MRI1: variants seen among roughly 807,000 people sequenced by gnomAD.
The protein encoded by MRI1 is methylthioribose-1-phosphate isomerase.
A neutral mutation model predicts 27.3 loss-of-function variants in MRI1; 32 were observed. The ratio of observed to expected loss-of-function variants is 1.17; its 90% CI spans 0.88 to 1.57. The LOEUF is 1.57. MRI1 is among the 40% of genes most tolerant of loss of function. MRI1 has a pLI of 0.00. For missense variants in MRI1, 508 were observed against 516.1 expected (o/e 0.98, Z 0.15); for synonymous variants, 216 against 227.4 (o/e 0.95, Z 0.45).
chr19:13,766,382 G>A (rs985293758), intron 3 of MRI1, among the ~76,000 whole-genome samples: 7 of 152,092 alleles, frequency 4.6e-5, no homozygotes, highest in African/African-American at 9.7e-5. Flanking sequence ...GCTGGCAGGC[G>A]GCTGTTAGGG....
intron 3 of MRI1, among the ~76,000 whole-genome samples, chr19:13,767,031 ATATATATTTTTTTTTTTTTTTTTTT>A (rs1411584364): frequency 4.4e-3 from 127 of 29,098 alleles, no homozygotes; most frequent in African/African-American, 0.018. Context: ...ATATATATAT[ATATATATTTTTTTTTTTTTTTTTTT>A]TTTTTTTTTT....
At chr19:13,771,989 G>C in intron 5 of MRI1, 132 bp from the exon 6 acceptor site, 1 of 760,182 alleles carries the variant, frequency 1.3e-6, no homozygotes, top group Non-Finnish European at 2.1e-6. Flanking sequence ...ATGTACTTTT[G>C]GGGTGAGAAT....
At chr19:13,766,669 C>T (rs1288561695) in intron 3 of MRI1, among the ~76,000 whole-genome samples, 1 of 152,052 alleles carries the variant, frequency 6.6e-6, no homozygotes, top group African/African-American at 2.4e-5. Context: ...AGGAAATTTC[C>T]CTACCTGCCT....
At position 13,769,060 on chromosome 19, in the gene MRI1, C is replaced by A. The variant is rs574770728; in HGVS notation, c.949+12C>A. 89 of 1,592,622 alleles carry A rather than the reference C, an allele frequency of 5.6e-5. No homozygotes were observed. The East Asian group carries it at 2.0e-3, about 36-fold the overall frequency. ...GATTGCAGCACCTGGTAAGCTGCCCCCTCAGAAAGGGGACACCCCAGCTCC... is the reference window on the plus strand; with the variant it reads ...GATTGCAGCACCTGGTAAGCTGCCCACTCAGAAAGGGGACACCCCAGCTCC... On this transcript the variant is annotated intron_variant, in intron 5 of 5. Transcript: ENST00000040663.
At position 13,773,841 on chromosome 19, in the gene MRI1, G is replaced by A. The variant is rs1128028; in HGVS notation, c.*1560G>A. ...CCTGGCTAATTTTTGTATTTTTATT[G>A]GAGACACCATGTTAGTCGTGGCTGG... On this transcript the variant is annotated 3_prime_UTR_variant, in exon 6 of 6. Transcript: ENST00000040663. 0.35 allele frequency: 53,793 copies of A among 152,128 alleles called. 10,939 individuals are homozygous for A. Among genetic ancestry groups the A allele is most frequent in the African/African-American group, 0.55 (22,785 of 41,440 alleles). 9.4% of individuals were successfully genotyped at this position (152,128 alleles called of 1,614,324 possible). A position where few individuals can be genotyped will look rare whatever the true frequency, so the allele number is the denominator to read the frequency against.
At position 13,772,798 on chromosome 19, in the gene MRI1, A is replaced by G. The variant is rs1974297391; in HGVS notation, c.*517A>G. 1 of 152,180 alleles carries G rather than the reference A, an allele frequency of 6.6e-6. No individual in the cohort carries two copies. The highest frequency in any genetic ancestry group is 2.4e-5 in the African/African-American group (1 of 41,446). The allele number at this position is 152,180 out of a possible 1,614,324, so 9.4% of individuals were successfully genotyped here. ...AGCCGAGATAGCGCCACTGCACTCC[A>G]GCCTGGGCAACAGAGCGAGACTCCG... On this transcript the variant is annotated 3_prime_UTR_variant, in exon 6 of 6. Transcript: ENST00000040663.
At chr19:13,769,630 A>C (rs1041250717) in intron 5 of MRI1, among the ~76,000 whole-genome samples, 1 of 152,146 alleles carries the variant, frequency 6.6e-6, no homozygotes, top group Non-Finnish European at 1.5e-5. Context: ...TTGTAAAGAA[A>C]AACCAAGACG....
At chr19:13,769,287 C>G (rs1046992867) in intron 5 of MRI1, among the ~76,000 whole-genome samples, 3 of 152,200 alleles carry the variant, frequency 2.0e-5, no homozygotes, top group Non-Finnish European at 2.9e-5. Context: ...CCTCAGCCCC[C>G]CAAGTAGCTG....
In MRI1 at chr19:13,769,053, G is replaced by A. The variant is rs1415109513; in HGVS notation, c.949+5G>A. 6.9e-6 allele frequency: 11 copies of A among 1,599,154 alleles called. No homozygotes were observed. Among genetic ancestry groups the A allele is most frequent in the Non-Finnish European group, 8.5e-6 (10 of 1,169,988 alleles). ...GGGTCCGGATTGCAGCACCTGGTAA[G>A]CTGCCCCCTCAGAAAGGGGACACCC... On this transcript the variant is annotated splice_donor_5th_base_variant and intron_variant, in intron 5 of 5. Coordinates refer to ENST00000040663, the MANE Select transcript of MRI1 (RefSeq NM_001031727.4).
intron 3 of MRI1, among the ~76,000 whole-genome samples, chr19:13,767,026 TATATATATA>T: frequency 6.4e-5 from 1 of 15,584 alleles, no homozygotes; most frequent in Non-Finnish European, 1.3e-4. Flanking sequence ...TATATATATA[TATATATATA>T]TATTTTTTTT....
intron 2 of MRI1, 55 bp from the exon 3 acceptor site, chr19:13,765,899 T>A: frequency 6.5e-7 from 1 of 1,536,534 alleles, no homozygotes; most frequent in Non-Finnish European, 8.8e-7. Context: ...AGAGGAGGCG[T>A]TGGCCTGGGC....
Position 13,774,137 on chromosome 19 carries a change from CAA to C in MRI1, c.*1858_*1859del, listed in dbSNP as rs2145210390. ...TCTTGAAAATATTGTTTACTATTAC[CAA>C]AGTTTTTGAACCTTCTTAAATTCTG... On this transcript the variant is annotated 3_prime_UTR_variant, in exon 6 of 6. Coordinates refer to ENST00000040663, the MANE Select transcript of MRI1 (RefSeq NM_001031727.4). 1 of 225,046 alleles carries C rather than the reference CAA, an allele frequency of 4.4e-6. No homozygotes were observed. Among genetic ancestry groups the C allele is most frequent in the South Asian group, 1.6e-4 (1 of 6,204 alleles). The allele number at this position is 225,046 out of a possible 1,614,324, so 13.9% of individuals were successfully genotyped here.
At position 13,766,015 on chromosome 19, in the gene MRI1, G is replaced by A. The variant is rs1309024210; in HGVS notation, c.433G>A (p.Asp145Asn). 6.2e-7 allele frequency: 1 copy of A among 1,613,278 alleles called. No individual in the cohort carries two copies. The highest frequency in any genetic ancestry group is 1.7e-5 in the Admixed American group (1 of 59,940). Residue 145 changes from aspartate to asparagine, a missense_variant, in exon 3 of 6, where the codon GAC (aspartate) becomes AAC (asparagine). This residue lies in a region of MRI1 where 457 missense variants were observed against 452.8 expected (regional missense o/e 1.01). Transcript: ENST00000040663. ...CCTCAGAGACAACCGAAGCATTGGG[G>A]ACCTAGGAGCCCGCCACCTCCTGGA... ...KDLRDNRSIGDLGARHLLERV... is the reference protein window; with the variant it reads ...KDLRDNRSIGNLGARHLLERV...
In MRI1 at chr19:13,772,436, G is replaced by C. The variant is rs917411220; in HGVS notation, c.*155G>C. 7.6e-6 allele frequency: 5 copies of C among 656,116 alleles called. No homozygotes were observed. Among genetic ancestry groups the C allele is most frequent in the Admixed American group, 3.3e-5 (1 of 29,960 alleles). The allele number at this position is 656,116 out of a possible 1,614,324, so 40.6% of individuals were successfully genotyped here. A position where few individuals can be genotyped will look rare whatever the true frequency, so the allele number is the denominator to read the frequency against. On this transcript the variant is annotated 3_prime_UTR_variant, in exon 6 of 6. Transcript: ENST00000040663. ...ATCTAGAGCCCAGCACCTAGAGCCA[G>C]GCTGCCCAGATTCAAATCCTGACTC...
In MRI1 at chr19:13,772,934, T is replaced by C. The variant is rs1974301069; in HGVS notation, c.*653T>C. 6.6e-6 allele frequency: 1 copy of C among 151,786 alleles called. No homozygotes were observed. The highest frequency in any genetic ancestry group is 2.4e-5 in the African/African-American group (1 of 41,356). 9.4% of individuals were successfully genotyped at this position (151,786 alleles called of 1,614,324 possible). A position where few individuals can be genotyped will look rare whatever the true frequency, so the allele number is the denominator to read the frequency against. On this transcript the variant is annotated 3_prime_UTR_variant, in exon 6 of 6. Transcript: ENST00000040663. Reference sequence around the variant, plus strand: ...TCAGGGCTGGAGCTAGGGTGACATCTCCAGGGCAGAATTTTAAGAGGACAC... The same window carrying C: ...TCAGGGCTGGAGCTAGGGTGACATCCCCAGGGCAGAATTTTAAGAGGACAC...
At chr19:13,767,037 A>ATATATATATATATATTTTTTTT (rs1974149223) in intron 3 of MRI1, among the ~76,000 whole-genome samples, 1 of 21,126 alleles carries the variant, frequency 4.7e-5, no homozygotes, top group African/African-American at 1.8e-4. Context: ...ATATATATAT[A>ATATATATATATATATTTTTTTT]TTTTTTTTTT....
rs891666903 is a variant in MRI1, at chr19:13,764,564, T to A, written c.-25T>A. 2 of 1,601,816 alleles carry A rather than the reference T, an allele frequency of 1.2e-6. No individual in the cohort carries two copies. The highest frequency in any genetic ancestry group is 1.7e-6 in the Non-Finnish European group (2 of 1,175,228). On this transcript the variant is annotated 5_prime_UTR_variant, in exon 1 of 6. In the 5' UTR this introduces an upstream ATG that the reference lacks. Transcript: ENST00000040663. Reference sequence around the variant, plus strand: ...GCGCGGACCCCTAGCTCCCTCTGAGTTGCGCTGGGCTTGGCTGCTGCACCA... The same window carrying A: ...GCGCGGACCCCTAGCTCCCTCTGAGATGCGCTGGGCTTGGCTGCTGCACCA...
In MRI1 at chr19:13,765,944, G is replaced by A. The variant is rs747982640; in HGVS notation, c.372-10G>A. ...TGGTGGCTGGTGCTGAAAACTCCTT[G>A]TCACCCCAGAGTGATCTGCTGCACC... On this transcript the variant is annotated splice_polypyrimidine_tract_variant and intron_variant, in intron 2 of 5. Transcript: ENST00000040663. 7.0e-6 allele frequency: 11 copies of A among 1,573,548 alleles called. No homozygotes were observed. Among genetic ancestry groups the A allele is most frequent in the Non-Finnish European group, 7.8e-6 (9 of 1,158,202 alleles).
In MRI1 at chr19:13,774,198, TGA is replaced by T; in HGVS notation, c.*1919_*1920del. On this transcript the variant is annotated 3_prime_UTR_variant, in exon 6 of 6. Transcript: ENST00000040663. ...GTGAGTGCCACACCCTAACCTAGTC[TGA>T]GTTTTTATGTGTAAAGATCATAAAA... 1 of 385,498 alleles carries T rather than the reference TGA, an allele frequency of 2.6e-6. No homozygotes were observed. Among genetic ancestry groups the T allele is most frequent in the African/African-American group, 2.0e-5 (1 of 50,332 alleles). 23.9% of individuals were successfully genotyped at this position (385,498 alleles called of 1,614,324 possible).
Sources: gnomAD v4.1 joint callset for allele counts (sites outside exome capture counted in the v4.1 genomes callset) on GRCh38, gnomAD v4.1.1 for gene constraint, gnomAD v4.1.1 regional missense constraint, MANE v1.5 for transcripts, NCBI Gene and HGNC (gene_info 2026-07-23, HGNC 2026-07-21) for gene names.